Variants in PSPC1 observed in about 807,000 individuals in gnomAD.
PSPC1 encodes paraspeckle protein 1.
A neutral mutation model predicts 51.6 loss-of-function variants in PSPC1; 14 were observed. The ratio of observed to expected loss-of-function variants is 0.27; its 90% CI spans 0.18 to 0.42. The LOEUF (loss-of-function observed/expected upper bound fraction) is 0.42, where lower values mean the gene tolerates loss of function less well. Among genes scored for constraint, PSPC1 ranks in the 10% least tolerant of loss-of-function variants. PSPC1 has a pLI of 1.00. For missense variants in PSPC1, 406 were observed against 701.1 expected, an observed-to-expected ratio of 0.58 and a Z score of 4.75; for synonymous variants, 193 against 231.9, an observed-to-expected ratio of 0.83 and a Z score of 1.53.
chr13:19,694,037 G>A (rs1328429659), intron 6 of PSPC1, among the ~76,000 whole-genome samples: 1 of 141,552 alleles, frequency 7.1e-6, no homozygotes, highest in Non-Finnish European at 1.5e-5. Flanking sequence ...GCAGGAGAAT[G>A]GCGTGAACCC....
At chr13:19,749,472 T>C (rs934963831) in intron 4 of PSPC1, among the ~76,000 whole-genome samples, 5 of 145,988 alleles carry the variant, frequency 3.4e-5, no homozygotes, top group Non-Finnish European at 7.5e-5. Context: ...AGTTGCAGTG[T>C]GCCGAGATCA....
rs567616204 is a variant in PSPC1 at position 19,755,038 on chromosome 13, C to T, written c.771-3571G>A. ...GCTTGAGCCCAGGAGTTCGAGACCA[C>T]GCTGAGCAACATGACAAAACTCTGT... On this transcript the variant is annotated intron_variant, in intron 3 of 8. Transcript: ENST00000338910. 7.2e-5 allele frequency among the ~76,000 whole-genome samples: 11 copies of T among 151,912 alleles called. 1 individual carries two copies. Among genetic ancestry groups the T allele is most frequent in the African/African-American group, 2.2e-4 (9 of 41,446 alleles).
chr13:19,689,603 A>T (rs1288886113), intron 6 of PSPC1, among the ~76,000 whole-genome samples: 1 of 152,208 alleles, frequency 6.6e-6, no homozygotes, highest in Non-Finnish European at 1.5e-5. Context: ...AAGAGAAGAA[A>T]AAAACAATGC....
intron 6 of PSPC1, among the ~76,000 whole-genome samples, chr13:19,728,439 A>AACAC (rs56662113): frequency 0.022 from 3,111 of 144,340 alleles, 79 homozygotes; most frequent in African/African-American, 0.057. Flanking sequence ...TCAAAGCTTA[A>AACAC]ACACACACAC....
intron 6 of PSPC1, among the ~76,000 whole-genome samples, chr13:19,716,715 T>A (rs939496116): frequency 2.0e-5 from 3 of 152,174 alleles, no homozygotes; most frequent in East Asian, 1.9e-4. Flanking sequence ...TTCAGCCTTT[T>A]TAATCAATTA....
intron 4 of PSPC1, among the ~76,000 whole-genome samples, chr13:19,746,514 C>T (rs986836896): frequency 4.0e-5 from 6 of 151,886 alleles, no homozygotes; most frequent in African/African-American, 1.2e-4. Flanking sequence ...CACTTGAGGC[C>T]AGGAGTTTGA....
At chr13:19,773,112 A>G (rs1283366309) in intron 1 of PSPC1, among the ~76,000 whole-genome samples, 1 of 152,062 alleles carries the variant, frequency 6.6e-6, no homozygotes, top group Non-Finnish European at 1.5e-5. Flanking sequence ...GTGAGCTGAG[A>G]TGGCGCTACT....
chr13:19,761,704 A>G (rs1188288971), intron 2 of PSPC1, among the ~76,000 whole-genome samples: 2 of 152,224 alleles, frequency 1.3e-5, no homozygotes, highest in African/African-American at 4.8e-5. Context: ...CCCAAAGGTA[A>G]AGAGACTTAA....
chr13:19,686,012 G>C (rs1232323802), intron 6 of PSPC1, among the ~76,000 whole-genome samples: 3 of 152,094 alleles, frequency 2.0e-5, no homozygotes, highest in Non-Finnish European at 2.9e-5. Flanking sequence ...TCTGCCAACA[G>C]TGATCTTTGC....
chr13:19,780,331 A>G (rs1400000361), intron 1 of PSPC1, among the ~76,000 whole-genome samples: 2 of 125,488 alleles, frequency 1.6e-5, no homozygotes, highest in Admixed American at 8.1e-5. Context: ...CTCATTGAGA[A>G]CGGGCCAGGA....
intron 6 of PSPC1, among the ~76,000 whole-genome samples, chr13:19,710,263 T>C (rs1881226999): frequency 6.6e-6 from 1 of 152,144 alleles, no homozygotes; most frequent in Admixed American, 6.5e-5. Flanking sequence ...CACAGTTAAC[T>C]ATAAAACAGA....
chr13:19,684,308 C>T (rs1002760751), intron 6 of PSPC1, among the ~76,000 whole-genome samples: 4 of 152,282 alleles, frequency 2.6e-5, no homozygotes, highest in Admixed American at 2.0e-4. Context: ...CCATGATGGA[C>T]TACGGTAACA....
chr13:19,726,490 T>C (rs1263012431), intron 6 of PSPC1, among the ~76,000 whole-genome samples: 3 of 152,184 alleles, frequency 2.0e-5, no homozygotes, highest in Non-Finnish European at 1.5e-5. Flanking sequence ...AGCAAAAAAA[T>C]GTGATCAAAG....
chr13:19,771,633 G>T (rs1318430919), intron 2 of PSPC1, among the ~76,000 whole-genome samples: 2 of 144,810 alleles, frequency 1.4e-5, no homozygotes, highest in Non-Finnish European at 3.0e-5. Context: ...ATGAGGTTTT[G>T]TTTTTTTTTT....
chr13:19,754,303 CT>C (rs1165236924), intron 3 of PSPC1, among the ~76,000 whole-genome samples: 1 of 151,834 alleles, frequency 6.6e-6, no homozygotes, highest in African/African-American at 2.4e-5. Flanking sequence ...CCAGGCTGGT[CT>C]CCAACTCCTG....
chr13:19,771,813 G>A (rs1006456228), intron 2 of PSPC1, among the ~76,000 whole-genome samples: 1 of 152,040 alleles, frequency 6.6e-6, no homozygotes, highest in Non-Finnish European at 1.5e-5. Context: ...TAGAGATGGG[G>A]TTTCATGCCA....
intron 1 of PSPC1, among the ~76,000 whole-genome samples, chr13:19,777,969 C>T (rs957995995): frequency 4.6e-5 from 7 of 151,800 alleles, no homozygotes; most frequent in Non-Finnish European, 1.0e-4. Flanking sequence ...CTTGGCTGGG[C>T]GCCGTGGCTC....
intron 6 of PSPC1, among the ~76,000 whole-genome samples, chr13:19,685,388 A>T (rs1877748954): frequency 6.6e-6 from 1 of 152,246 alleles, no homozygotes; most frequent in Admixed American, 6.5e-5. Flanking sequence ...ATTTCAGGAA[A>T]AACTATGTGG....
chr13:19,737,784 C>T (rs1885002179), intron 5 of PSPC1, among the ~76,000 whole-genome samples: 2 of 152,046 alleles, frequency 1.3e-5, no homozygotes, highest in Non-Finnish European at 2.9e-5. Flanking sequence ...GTAGAAAAAG[C>T]CATAAAATAC....
Sources: allele counts gnomAD v4.1 joint callset (sites outside exome capture counted in the v4.1 genomes callset), GRCh38; gene constraint gnomAD v4.1.1; transcripts MANE v1.5; gene names NCBI Gene and HGNC (gene_info 2026-07-23, HGNC 2026-07-21).